The following SLC14A2 variants were observed in gnomAD, a reference collection of about 807,000 sequenced individuals.
SLC14A2 encodes the protein solute carrier family 14 member 2.
Under a neutral mutation model 104.6 loss-of-function variants are expected in SLC14A2, and 91 were observed. That is an observed-to-expected ratio of 0.87 (90% CI 0.73 to 1.04). The LOEUF is 1.04. Ranked by LOEUF, SLC14A2 falls within the 50% of genes least tolerant of loss-of-function variation. The probability of loss-of-function intolerance (pLI) is 0.00; values close to 1 mark genes in which losing one functional copy is unlikely to be tolerated. For missense variants in SLC14A2, 1,189 were observed against 1,156.0 expected, an observed-to-expected ratio of 1.03 and a Z score of -0.41; for synonymous variants, 476 against 466.4, an observed-to-expected ratio of 1.02 and a Z score of -0.27.
intron 2 of SLC14A2, among the ~76,000 whole-genome samples, chr18:45,503,825 CTGAATT>C (rs1436148256): frequency 6.6e-6 from 1 of 151,918 alleles, no homozygotes; most frequent in Non-Finnish European, 1.5e-5. Flanking sequence ...GTAATTATCC[CTGAATT>C]ATCAAAGATA....
chr18:45,196,654 C>T, the SLC14A2 span, among the ~76,000 whole-genome samples: 1 of 152,160 alleles, frequency 6.6e-6, no homozygotes, highest in African/African-American at 2.4e-5. Flanking sequence ...CCCAACTCAA[C>T]CCACCAACTG....
chr18:45,243,317 T>C (rs2084336264), intron 1 of SLC14A2, among the ~76,000 whole-genome samples: 2 of 152,194 alleles, frequency 1.3e-5, no homozygotes, highest in Admixed American at 1.3e-4. Context: ...CCATAATTAA[T>C]CCTAACAATA....
chr18:45,229,784 G>A (rs1329708623), intron 1 of SLC14A2, among the ~76,000 whole-genome samples: 3 of 152,100 alleles, frequency 2.0e-5, no homozygotes, highest in Admixed American at 6.6e-5. Context: ...CCAGTTCAAG[G>A]TCAAGCAACC....
intron 2 of SLC14A2, among the ~76,000 whole-genome samples, chr18:45,542,039 T>TTTTTTG (rs2043893432): frequency 2.3e-5 from 1 of 43,744 alleles, no homozygotes; most frequent in Non-Finnish European, 4.0e-5. Flanking sequence ...GAGAGGGTTT[T>TTTTTTG]TTTTTTTTTT....
At chr18:45,306,434 T>C (rs1011879862) in intron 1 of SLC14A2, among the ~76,000 whole-genome samples, 27 of 152,278 alleles carry the variant, frequency 1.8e-4, no homozygotes, top group African/African-American at 6.5e-4. Flanking sequence ...TCAGTCTCTG[T>C]CATAGCTACC....
At chr18:45,186,271 A>G in the SLC14A2 span, among the ~76,000 whole-genome samples, 19,559 of 152,320 alleles carry the variant, frequency 0.13, 1,490 homozygotes, top group Middle Eastern at 0.22. Flanking sequence ...AAAGATAGAC[A>G]TCAGGTCAAT....
intron 6 of SLC14A2, among the ~76,000 whole-genome samples, chr18:45,639,058 G>A (rs2044861042): frequency 6.6e-6 from 1 of 152,210 alleles, no homozygotes; most frequent in Non-Finnish European, 1.5e-5. Context: ...AGGGATGTCT[G>A]GGCTTCAGGC....
intron 10 of SLC14A2, chr18:45,648,053 G>A (rs2045652353): frequency 9.7e-6 from 1 of 103,436 alleles, no homozygotes; most frequent in African/African-American, 4.7e-5. Context: ...TAATTGTACT[G>A]TTTCATTAAT....
chr18:45,355,974 G>A (rs2144316636), intron 1 of SLC14A2, among the ~76,000 whole-genome samples: 1 of 152,292 alleles, frequency 6.6e-6, no homozygotes, highest in South Asian at 2.1e-4. Context: ...GACGGAGACT[G>A]AAACATAACT....
At chr18:45,674,477 T>G (rs573798439) in intron 18 of SLC14A2, among the ~76,000 whole-genome samples, 68 of 152,318 alleles carry the variant, frequency 4.5e-4, no homozygotes, top group Admixed American at 6.5e-4. Context: ...AGATATATTT[T>G]CTTTTGCATT....
At chr18:45,317,375 T>A (rs1420669837) in intron 1 of SLC14A2, among the ~76,000 whole-genome samples, 1 of 152,180 alleles carries the variant, frequency 6.6e-6, no homozygotes, top group Non-Finnish European at 1.5e-5. Flanking sequence ...GAGATCTCAG[T>A]CTATGCCCCA....
chr18:45,430,745 G>GT (rs1347644302), intron 1 of SLC14A2, among the ~76,000 whole-genome samples: 8 of 151,686 alleles, frequency 5.3e-5, no homozygotes, highest in Admixed American at 5.3e-4. Flanking sequence ...CTGGCTAATT[G>GT]TTTTTTGTAT....
chr18:45,426,577 T>C (rs1296613609), intron 1 of SLC14A2, among the ~76,000 whole-genome samples: 3 of 150,162 alleles, frequency 2.0e-5, no homozygotes, highest in African/African-American at 7.3e-5. Flanking sequence ...TACACACATA[T>C]ATATAGTATA....
At chr18:45,391,294 A>T (rs1015490470) in intron 1 of SLC14A2, among the ~76,000 whole-genome samples, 2 of 152,166 alleles carry the variant, frequency 1.3e-5, no homozygotes, top group African/African-American at 4.8e-5. Context: ...CATGGTGTAT[A>T]TGTGCCACAC....
At chr18:45,229,433 T>TGTTTGTTTA (rs1555665447) in intron 1 of SLC14A2, among the ~76,000 whole-genome samples, 1 of 150,932 alleles carries the variant, frequency 6.6e-6, no homozygotes, top group African/African-American at 2.4e-5. Flanking sequence ...TTTGTTTGTT[T>TGTTTGTTTA]AAAAAAAAAG....
Position 45,542,035 on chromosome 18 carries a change from G to GTTTTTTTTTTTTTTTTTTTTTTTTTT in SLC14A2, c.-35+58725_-35+58750dup, listed in dbSNP as rs60977948. Among the ~76,000 whole-genome samples, 4 of 54,236 alleles carry GTTTTTTTTTTTTTTTTTTTTTTTTTT rather than the reference G, an allele frequency of 7.4e-5. 1 individual carries two copies. The highest frequency in any genetic ancestry group is 1.1e-4 in the Non-Finnish European group (3 of 27,024). 35.6% of individuals were successfully genotyped at this position (54,236 alleles called of 152,430 possible). ...GGGCTTGTTAGATGAAAGAGAGAGG[G>GTTTTTTTTTTTTTTTTTTTTTTTTTT]TTTTTTTTTTTTTTTTTTTTTTTTT... On this transcript the variant is annotated intron_variant, in intron 2 of 20. Transcript: ENST00000586448.
intron 2 of SLC14A2, among the ~76,000 whole-genome samples, chr18:45,500,404 C>G (rs191231006): frequency 6.6e-6 from 1 of 151,922 alleles, no homozygotes; most frequent in Admixed American, 6.6e-5. Flanking sequence ...GGTGAAACCC[C>G]GTCTCTACTA....
intron 1 of SLC14A2, among the ~76,000 whole-genome samples, chr18:45,402,903 C>T (rs545950329): frequency 6.6e-5 from 10 of 152,344 alleles, no homozygotes; most frequent in South Asian, 2.1e-4. Flanking sequence ...CATGCCTGTG[C>T]ACACTACTAG....
At chr18:45,581,903 C>A (rs542411766) in intron 2 of SLC14A2, among the ~76,000 whole-genome samples, 6 of 152,098 alleles carry the variant, frequency 3.9e-5, no homozygotes, top group Non-Finnish European at 8.8e-5. Context: ...TGTGCTCAGC[C>A]TGGTGAATAA....
Sources: gnomAD v4.1 joint callset for allele counts (sites outside exome capture counted in the v4.1 genomes callset) on GRCh38, gnomAD v4.1.1 for gene constraint, MANE v1.5 for transcripts, NCBI Gene and HGNC (gene_info 2026-07-23, HGNC 2026-07-21) for gene names.